The following FAM185A variants were observed in gnomAD, a reference collection of about 807,000 sequenced individuals.
The protein encoded by FAM185A is protein FAM185A.
FAM185A carries 21 observed loss-of-function variants against 45.7 expected under a neutral mutation model. The ratio of observed to expected loss-of-function variants is 0.46; its 90% CI spans 0.33 to 0.66. FAM185A has a LOEUF of 0.66. Among genes scored for constraint, FAM185A ranks in the 30% least tolerant of loss-of-function variants. FAM185A has a pLI of 0.03. For missense variants in FAM185A, 305 were observed against 485.4 expected (o/e 0.63, Z 3.49); for synonymous variants, 117 against 194.0 (o/e 0.60, Z 3.30).
chr7:102,761,388 A>T lies in FAM185A; in HGVS notation c.770A>T (p.Asp257Val). The T allele has an allele frequency of 1.3e-6, 2 of 1,536,660 alleles. No homozygotes were observed. The highest frequency in any genetic ancestry group is 2.1e-5 in the Admixed American group (1 of 47,288). The stretch of plus-strand genomic sequence containing the variant: ...TCATTTCTGTCTTCTGCTGCTGGGG[A>T]TATTACATTAGGAAGTGTTCATGGT... ...ESSFLSSAAG[D>V]ITLGSVHGNI... The change falls in exon 4 of 8, where the codon GAT (aspartate) becomes GTT (valine). Residue 257 changes from aspartate to valine, a missense_variant. This residue lies in a region of FAM185A where 44 missense variants were observed against 66.8 expected (regional missense o/e 0.66). Coordinates refer to ENST00000413034, the MANE Select transcript of FAM185A (RefSeq NM_001145268.2).
chr7:102,810,396 C>A (rs1175567761), downstream of FAM185A, among the ~76,000 whole-genome samples: 1 of 151,930 alleles, frequency 6.6e-6, no homozygotes. Context: ...CCATGCCCAG[C>A]TAAGTTTTGT....
At chr7:102,848,078 C>T in the FAM185A span, among the ~76,000 whole-genome samples, 1 of 152,168 alleles carries the variant, frequency 6.6e-6, no homozygotes, top group South Asian at 2.1e-4. Flanking sequence ...CACACTTTCA[C>T]TGCATACACA....
intron 7 of FAM185A, among the ~76,000 whole-genome samples, chr7:102,788,865 T>C (rs1242310087): frequency 6.6e-6 from 1 of 152,178 alleles, no homozygotes; most frequent in Admixed American, 6.5e-5. Flanking sequence ...ACAATGGTAT[T>C]TGTATATCTA....
chr7:102,753,417 T>C (rs1286327594), intron 2 of FAM185A, among the ~76,000 whole-genome samples: 1 of 151,698 alleles, frequency 6.6e-6, no homozygotes, highest in African/African-American at 2.4e-5. Flanking sequence ...GGCATAAAAT[T>C]AAAAGTGGTT....
chr7:102,782,890 T>C (rs1795497111), intron 6 of FAM185A, among the ~76,000 whole-genome samples: 1 of 151,812 alleles, frequency 6.6e-6, no homozygotes, highest in African/African-American at 2.4e-5. Flanking sequence ...ATCAGTGTGC[T>C]GTATTCAGGA....
the FAM185A span, among the ~76,000 whole-genome samples, chr7:102,814,806 TTC>T: frequency 6.6e-6 from 1 of 152,248 alleles, no homozygotes; most frequent in Admixed American, 6.5e-5. Context: ...ATGTTTTGCA[TTC>T]TGTTAATTTT....
At chr7:102,802,721 GAAAC>G (rs60504561) in intron 7 of FAM185A, among the ~76,000 whole-genome samples, 11 of 151,602 alleles carry the variant, frequency 7.3e-5, no homozygotes, top group Middle Eastern at 3.4e-3. Context: ...AAATGAAATT[GAAAC>G]AAACAAACAA....
At chr7:102,826,773 GTA>G in the FAM185A span, among the ~76,000 whole-genome samples, 1 of 55,732 alleles carries the variant, frequency 1.8e-5, no homozygotes, top group African/African-American at 6.4e-5. Context: ...ATATATATAT[GTA>G]TATATATCTC....
intron 6 of FAM185A, among the ~76,000 whole-genome samples, chr7:102,784,901 T>G (rs940035457): frequency 1.3e-5 from 2 of 152,244 alleles, no homozygotes; most frequent in African/African-American, 2.4e-5. Context: ...TTGTCCCTGT[T>G]TGCAGATGAC....
At chr7:102,781,941 A>C (rs934948919) in intron 6 of FAM185A, among the ~76,000 whole-genome samples, 4 of 152,248 alleles carry the variant, frequency 2.6e-5, no homozygotes, top group African/African-American at 9.6e-5. Context: ...TAGAATAATC[A>C]ATGCAGAGAA....
chr7:102,845,459 G>A, the FAM185A span, among the ~76,000 whole-genome samples: 1 of 152,178 alleles, frequency 6.6e-6, no homozygotes, highest in African/African-American at 2.4e-5. Flanking sequence ...CTCACAAGAA[G>A]AGAAATTTTG....
chr7:102,766,734 C>A (rs369381852), intron 4 of FAM185A, among the ~76,000 whole-genome samples: 1 of 151,938 alleles, frequency 6.6e-6, no homozygotes, highest in Non-Finnish European at 1.5e-5. Context: ...ATTTGATTAT[C>A]ATTTTGATGC....
chr7:102,846,493 C>T, the FAM185A span, among the ~76,000 whole-genome samples: 1 of 151,744 alleles, frequency 6.6e-6, no homozygotes, highest in African/African-American at 2.4e-5. Flanking sequence ...ATGGCACATG[C>T]CTGTAATCCC....
chr7:102,777,879 TTC>T (rs1273343064), intron 6 of FAM185A, among the ~76,000 whole-genome samples: 1 of 152,172 alleles, frequency 6.6e-6, no homozygotes, highest in Non-Finnish European at 1.5e-5. Flanking sequence ...ACACAACTTA[TTC>T]TGAGTCCAAC....
At chr7:102,805,199 G>T (rs1797038848) in intron 7 of FAM185A, among the ~76,000 whole-genome samples, 1 of 152,124 alleles carries the variant, frequency 6.6e-6, no homozygotes, top group African/African-American at 2.4e-5. Flanking sequence ...CAGAGGAAAA[G>T]AAGTCATTGT....
chr7:102,781,940 C>T (rs1310877637), intron 6 of FAM185A, among the ~76,000 whole-genome samples: 2 of 152,112 alleles, frequency 1.3e-5, no homozygotes, highest in African/African-American at 4.8e-5. Context: ...CTAGAATAAT[C>T]AATGCAGAGA....
At chr7:102,782,071 T>C (rs1795446462) in intron 6 of FAM185A, among the ~76,000 whole-genome samples, 1 of 151,876 alleles carries the variant, frequency 6.6e-6, no homozygotes, top group South Asian at 2.1e-4. Context: ...GAAGATGAAA[T>C]GAATGAAATG....
At chr7:102,825,614 T>G in the FAM185A span, among the ~76,000 whole-genome samples, 2 of 152,204 alleles carry the variant, frequency 1.3e-5, no homozygotes, top group East Asian at 3.8e-4. Context: ...GTTTACGAAT[T>G]TTCACATTGC....
intron 6 of FAM185A, among the ~76,000 whole-genome samples, chr7:102,778,099 T>C (rs1795181487): frequency 6.6e-6 from 1 of 152,260 alleles, no homozygotes; most frequent in Admixed American, 6.5e-5. Context: ...AGCTCTTGCA[T>C]GTTGGCCAGA....
Sources: allele counts gnomAD v4.1 joint callset (sites outside exome capture counted in the v4.1 genomes callset), GRCh38; gene constraint gnomAD v4.1.1; regional missense constraint gnomAD v4.1.1; transcripts MANE v1.5; gene names NCBI Gene and HGNC (gene_info 2026-07-23, HGNC 2026-07-21).